KIF4A: variants seen among roughly 807,000 people sequenced by gnomAD.
KIF4A encodes the protein kinesin family member 4A, also known as chromosome-associated kinesin KIF4A.
Under a neutral mutation model 105.9 loss-of-function variants are expected in KIF4A, and 7 were observed. That is an observed-to-expected ratio of 0.07 (90% CI 0.04 to 0.12). The LOEUF is 0.12. Ranked by LOEUF, KIF4A falls within the 10% of genes least tolerant of loss-of-function variation. The probability of loss-of-function intolerance (pLI) is 1.00; values close to 1 mark genes in which losing one functional copy is unlikely to be tolerated. For missense variants in KIF4A, 558 were observed against 929.2 expected, an observed-to-expected ratio of 0.60 and a Z score of 5.19; for synonymous variants, 281 against 331.3, an observed-to-expected ratio of 0.85 and a Z score of 1.65.
chrX:70,327,200 A>C (rs2085914363), intron 7 of KIF4A, among the ~76,000 whole-genome samples: 1 of 112,166 alleles, frequency 8.9e-6, no homozygotes, highest in African/African-American at 3.2e-5. Context: ...GCTTTCCTTC[A>C]TATCCTAGAG....
chrX:70,323,056 T>C (rs896497266), intron 7 of KIF4A, among the ~76,000 whole-genome samples: 26 of 110,609 alleles, frequency 2.4e-4, no homozygotes, highest in Non-Finnish European at 1.1e-4. Context: ...CCCCACTCTT[T>C]CCTTGCAATC....
At chrX:70,389,338 G>A (rs991551855) in intron 20 of KIF4A, among the ~76,000 whole-genome samples, 17 of 112,157 alleles carry the variant, frequency 1.5e-4, no homozygotes, top group African/African-American at 4.5e-4. Context: ...AGGCCAAGGC[G>A]GGTGGATTAC....
In KIF4A at chrX:70,406,969, A is replaced by G. The variant is rs775090006; in HGVS notation, c.3149A>G (p.His1050Arg). Residue 1050 changes from histidine to arginine, a missense_variant, in exon 28 of 31, where the codon CAT becomes CGT. Coordinates refer to ENST00000374403, the MANE Select transcript of KIF4A (RefSeq NM_012310.5). ...DIEDLKYCSE[H>R]SVNEHEDGDG... The stretch of plus-strand genomic sequence containing the variant: ...GAGGATCTAAAATATTGTTCAGAGC[A>G]TTCTGTGAATGAGCATGAGGATGGT... 8.3e-7 allele frequency: 1 copy of G among 1,210,199 alleles called. No individual in the cohort carries two copies. Among genetic ancestry groups the G allele is most frequent in the African/African-American group, 1.7e-5 (1 of 57,261 alleles).
intron 22 of KIF4A, among the ~76,000 whole-genome samples, chrX:70,397,426 GAGAAAAGAA>G (rs1270776269): frequency 3.6e-5 from 4 of 111,494 alleles, no homozygotes; most frequent in Non-Finnish European, 7.5e-5. Context: ...GAAAAAGAAA[GAGAAAAGAA>G]AGAAAAGAAA....
chrX:70,325,390 AC>A (rs1337793829), intron 7 of KIF4A, among the ~76,000 whole-genome samples: 1 of 110,321 alleles, frequency 9.1e-6, no homozygotes, highest in Non-Finnish European at 1.9e-5. Flanking sequence ...TGATTCTCCC[AC>A]CCCAGCTTCC....
At chrX:70,349,227 T>C (rs12850665) in intron 13 of KIF4A, among the ~76,000 whole-genome samples, 199 of 50,608 alleles carry the variant, frequency 3.9e-3, no homozygotes, top group Middle Eastern at 0.016. Context: ...CCTCACTTCC[T>C]AGACGGGGTG....
At chrX:70,391,900 T>G (rs1273892206) in intron 20 of KIF4A, among the ~76,000 whole-genome samples, 1 of 111,686 alleles carries the variant, frequency 9.0e-6, no homozygotes, top group Non-Finnish European at 1.9e-5. Flanking sequence ...ATTAATTCTC[T>G]TAGGATAATA....
At chrX:70,315,766 C>G (rs929816573) in intron 7 of KIF4A, among the ~76,000 whole-genome samples, 1 of 112,010 alleles carries the variant, frequency 8.9e-6, no homozygotes, top group African/African-American at 3.2e-5. Context: ...CTTTCTTAGT[C>G]TCAAGGTAGA....
In KIF4A at chrX:70,363,687, T is replaced by G. The variant is rs191018030; in HGVS notation, c.1674+9880T>G. Reference sequence around the variant, plus strand: ...TCCAAGTCTTTGCTATTGTGAACAGTGCTGCAATAGACATACGTGTTCATG... The same window carrying G: ...TCCAAGTCTTTGCTATTGTGAACAGGGCTGCAATAGACATACGTGTTCATG... On this transcript the variant is annotated intron_variant, in intron 15 of 30. Coordinates refer to ENST00000374403, the MANE Select transcript of KIF4A (RefSeq NM_012310.5). Among the ~76,000 whole-genome samples, 171 of 112,313 alleles carry G rather than the reference T, an allele frequency of 1.5e-3. 2 individuals are homozygous for G. Among genetic ancestry groups the G allele is most frequent in the Admixed American group, 0.015 (158 of 10,575 alleles).
chrX:70,387,152 A>T (rs1417348413), intron 19 of KIF4A, 32 bp from the exon 20 acceptor site: 1 of 964,922 alleles, frequency 1.0e-6, no homozygotes, highest in South Asian at 2.2e-5. Flanking sequence ...TTTACCATTC[A>T]TTCAACATTA....
chrX:70,420,126 CT>C lies in KIF4A; in HGVS notation c.3564del (p.Phe1188LeufsTer6). ...AAGAAGACTCCCCCAGCTCCCTCCC[CT>C]TTTGACCTCCCAGAGTTGAAACATG... ...LSKKTPPAPS[P>X]FDLPELKHVA... On this transcript the variant is annotated frameshift_variant, in exon 31 of 31. Transcript: ENST00000374403. LOFTEE classifies it high-confidence loss of function. 8.3e-7 allele frequency: 1 copy of C among 1,211,265 alleles called. No homozygotes were observed. Among genetic ancestry groups the C allele is most frequent in the Non-Finnish European group, 1.1e-6 (1 of 895,345 alleles).
intron 28 of KIF4A, among the ~76,000 whole-genome samples, chrX:70,409,299 T>C (rs183186516): frequency 8.9e-6 from 1 of 112,260 alleles, no homozygotes; most frequent in African/African-American, 3.2e-5. Context: ...TCTGGCACAA[T>C]GAATAGCATA....
intron 7 of KIF4A, among the ~76,000 whole-genome samples, chrX:70,304,584 G>C (rs2085818745): frequency 9.4e-6 from 1 of 106,738 alleles, no homozygotes; most frequent in Non-Finnish European, 1.9e-5. Context: ...ATTGTCTTTT[G>C]TGACTGGCTT....
At chrX:70,343,634 A>C in intron 11 of KIF4A, 69 bp from the exon 12 acceptor site, 1 of 968,060 alleles carries the variant, frequency 1.0e-6, no homozygotes, top group East Asian at 3.1e-5. Context: ...AATTCATAGG[A>C]GTAGGAGAGC....
At chrX:70,319,437 A>C (rs776481742) in intron 7 of KIF4A, among the ~76,000 whole-genome samples, 115 of 111,048 alleles carry the variant, frequency 1.0e-3, no homozygotes, top group African/African-American at 3.4e-3. Flanking sequence ...GTTTTTCCAT[A>C]TAAATACCCA....
rs7881399 is a variant in KIF4A, at chrX:70,303,044, C to T, written c.778+646C>T. 5.7e-3 allele frequency among the ~76,000 whole-genome samples: 642 copies of T among 111,812 alleles called. 6 individuals carry two copies. The highest frequency in any genetic ancestry group is 0.02 in the African/African-American group (604 of 30,818). ...CTACTGTATTTCTCATAGCTACCAG[C>T]TTAGTAACAATACAAAAAAGAAATA... On this transcript the variant is annotated intron_variant, in intron 7 of 30. Transcript: ENST00000374403.
intron 13 of KIF4A, among the ~76,000 whole-genome samples, chrX:70,349,437 A>T (rs1338891662): frequency 1.1e-5 from 1 of 89,573 alleles, no homozygotes; most frequent in Non-Finnish European, 2.1e-5. Flanking sequence ...GGCCGGGCAG[A>T]GGCGCTCCCC....
intron 13 of KIF4A, among the ~76,000 whole-genome samples, chrX:70,345,996 T>A (rs1156995654): frequency 1.8e-5 from 2 of 111,330 alleles, no homozygotes; most frequent in South Asian, 3.8e-4. Flanking sequence ...GAACAGGAGT[T>A]TGCCATGCAG....
Position 70,293,974 on chromosome X carries a change from G to A in KIF4A, c.236-3024G>A, listed in dbSNP as rs1389611151. 3.6e-5 allele frequency among the ~76,000 whole-genome samples: 4 copies of A among 111,848 alleles called. No homozygotes were observed. In the East Asian group the frequency reaches 8.3e-4, roughly 23 times the overall value. On this transcript the variant is annotated intron_variant, in intron 3 of 30. Transcript: ENST00000374403. ...ATAAATTAACCTTCGCTTATTATAC[G>A]TTTTTTACTTTATAAACTTTAATTT...
Sources: allele counts gnomAD v4.1 joint callset (sites outside exome capture counted in the v4.1 genomes callset), GRCh38; gene constraint gnomAD v4.1.1; transcripts MANE v1.5; gene names NCBI Gene and HGNC (gene_info 2026-07-23, HGNC 2026-07-21).